ADAMTSL1: variants seen among roughly 807,000 people sequenced by gnomAD.
The protein encoded by ADAMTSL1 is ADAMTS-like protein 1.
In ADAMTSL1, 126 loss-of-function variants were observed where a neutral mutation model predicts 201.8. The observed-to-expected ratio is 0.62, with a 90% confidence interval of 0.54 to 0.72. The LOEUF is 0.72. ADAMTSL1 is among the 30% of genes least tolerant of loss of function. The probability of loss-of-function intolerance (pLI) is 0.00; values close to 1 mark genes in which losing one functional copy is unlikely to be tolerated. For missense variants in ADAMTSL1, 2,679 were observed against 2,277.8 expected (o/e 1.18, Z -3.59); for synonymous variants, 1,121 against 903.4 (o/e 1.24, Z -4.32).
chr9:18,872,303 G>A (rs568147328), intron 23 of ADAMTSL1, among the ~76,000 whole-genome samples: 2 of 152,234 alleles, frequency 1.3e-5, no homozygotes, highest in African/African-American at 4.8e-5. Context: ...AGGGAACAAG[G>A]GAAGAGGTTG....
At chr9:18,637,614 A>C (rs1827182413) in intron 6 of ADAMTSL1, among the ~76,000 whole-genome samples, 1 of 152,168 alleles carries the variant, frequency 6.6e-6, no homozygotes, top group Non-Finnish European at 1.5e-5. Context: ...TTTTCTCCCA[A>C]CAAACATACT....
intron 14 of ADAMTSL1, among the ~76,000 whole-genome samples, chr9:18,707,437 G>A (rs988668592): frequency 2.6e-5 from 4 of 152,160 alleles, no homozygotes; most frequent in Non-Finnish European, 4.4e-5. Context: ...AGAACAAGTC[G>A]GAGTCCCTCC....
At chr9:18,510,878 C>G (rs1307680050) in intron 2 of ADAMTSL1, among the ~76,000 whole-genome samples, 1 of 151,974 alleles carries the variant, frequency 6.6e-6, no homozygotes, top group Non-Finnish European at 1.5e-5. Flanking sequence ...TCTTCACCCC[C>G]CTACTAAATA....
chr9:17,929,756 C>A (rs1368315077), intron 1 of ADAMTSL1, among the ~76,000 whole-genome samples: 1 of 152,202 alleles, frequency 6.6e-6, no homozygotes, highest in African/African-American at 2.4e-5. Context: ...AAAGTCCTGA[C>A]CCTGGACTTC....
intron 2 of ADAMTSL1, among the ~76,000 whole-genome samples, chr9:18,217,628 T>A (rs956025390): frequency 2.0e-5 from 3 of 152,174 alleles, no homozygotes; most frequent in Admixed American, 6.5e-5. Flanking sequence ...TATGTCTAAA[T>A]GTAGTTTTGG....
chr9:18,718,607 A>C, intron 14 of ADAMTSL1: 3 of 376,292 alleles, frequency 8.0e-6, no homozygotes, highest in South Asian at 2.0e-5. Flanking sequence ...CCGGGTTGCT[A>C]CTCTCGGCAC....
At chr9:18,007,368 C>T (rs1337287547) in intron 1 of ADAMTSL1, among the ~76,000 whole-genome samples, 1 of 151,994 alleles carries the variant, frequency 6.6e-6, no homozygotes, top group African/African-American at 2.4e-5. Flanking sequence ...TTGAACAGTT[C>T]CATGTTTACA....
chr9:18,538,131 G>A (rs1819906637), intron 3 of ADAMTSL1, among the ~76,000 whole-genome samples: 1 of 152,138 alleles, frequency 6.6e-6, no homozygotes, highest in Admixed American at 6.5e-5. Flanking sequence ...AAAGCAGGGG[G>A]AAGAAGCAGA....
chr9:18,606,882 G>T (rs1355988452), intron 4 of ADAMTSL1, among the ~76,000 whole-genome samples: 3 of 152,046 alleles, frequency 2.0e-5, no homozygotes, highest in Non-Finnish European at 2.9e-5. Flanking sequence ...AATAATTGTG[G>T]CTCACAGTAT....
In ADAMTSL1 at chr9:18,892,483, A is replaced by G. The variant is rs761766131; in HGVS notation, c.4738A>G (p.Ile1580Val). 6.2e-7 allele frequency: 1 copy of G among 1,611,652 alleles called. No homozygotes were observed. Among genetic ancestry groups the G allele is most frequent in the Non-Finnish European group, 8.5e-7 (1 of 1,179,092 alleles). The change falls in exon 26 of 29, where the codon ATC becomes GTC. Residue 1580 changes from isoleucine (I) to valine (V), a missense_variant. Transcript: ENST00000380548. ...VTCQKLKASG[I>V]STPVSNDMCT... ...CTGTCAAAAGCTGAAAGCCTCTGGG[A>G]TCTCCACCCCTGTGTCCAATGACAT...
At position 18,350,651 on chromosome 9, in the gene ADAMTSL1, G is replaced by A. The variant is rs73430949; in HGVS notation, c.208-154178G>A. 5.2e-3 allele frequency among the ~76,000 whole-genome samples: 797 copies of A among 152,226 alleles called. 10 individuals carry two copies. Among genetic ancestry groups the A allele is most frequent in the African/African-American group, 0.018 (750 of 41,522 alleles). ...CAAGTTCTGGAGAGTTTCTTTTGGCGTTAATTATTTCACACTGGAAATCAT... is the reference window on the plus strand; with the variant it reads ...CAAGTTCTGGAGAGTTTCTTTTGGCATTAATTATTTCACACTGGAAATCAT... On this transcript the variant is annotated intron_variant, in intron 2 of 29. Transcript: ENST00000680146.
intron 1 of ADAMTSL1, among the ~76,000 whole-genome samples, chr9:18,065,321 C>A (rs1182869855): frequency 6.6e-6 from 1 of 152,040 alleles, no homozygotes; most frequent in Non-Finnish European, 1.5e-5. Flanking sequence ...AAGGAGACTG[C>A]ATGTCTTTAA....
At chr9:17,936,737 T>G (rs568700712) in intron 1 of ADAMTSL1, among the ~76,000 whole-genome samples, 3 of 152,162 alleles carry the variant, frequency 2.0e-5, no homozygotes, top group African/African-American at 7.2e-5. Flanking sequence ...GCCAAATATC[T>G]CCCCAACCTC....
At chr9:18,827,310 C>T (rs912602313) in intron 22 of ADAMTSL1, among the ~76,000 whole-genome samples, 5 of 152,030 alleles carry the variant, frequency 3.3e-5, no homozygotes, top group African/African-American at 1.2e-4. Flanking sequence ...ATTCATGCCA[C>T]ACATACATAC....
At chr9:18,838,357 T>C (rs1825454052) in intron 23 of ADAMTSL1, among the ~76,000 whole-genome samples, 1 of 102,354 alleles carries the variant, frequency 9.8e-6, no homozygotes, top group Admixed American at 1.0e-4. Flanking sequence ...AGCCAAACCA[T>C]ATTACACACA....
intron 7 of ADAMTSL1, among the ~76,000 whole-genome samples, chr9:18,656,505 T>C (rs1828675869): frequency 6.6e-6 from 1 of 151,714 alleles, no homozygotes; most frequent in African/African-American, 2.4e-5. Context: ...GGCAGGCGTC[T>C]GTAGTCCCAG....
At chr9:17,986,152 A>T (rs1320187158) in intron 1 of ADAMTSL1, among the ~76,000 whole-genome samples, 1 of 152,100 alleles carries the variant, frequency 6.6e-6, no homozygotes, top group African/African-American at 2.4e-5. Flanking sequence ...CTCTGAGTTC[A>T]TAAGTACAGA....
chr9:18,847,472 G>T (rs1027116918), intron 23 of ADAMTSL1, among the ~76,000 whole-genome samples: 5 of 152,160 alleles, frequency 3.3e-5, no homozygotes. Flanking sequence ...AGAAGCAAAT[G>T]GCATCATATG....
intron 3 of ADAMTSL1, among the ~76,000 whole-genome samples, chr9:18,534,854 G>A (rs1819659776): frequency 6.6e-6 from 1 of 152,202 alleles, no homozygotes; most frequent in African/African-American, 2.4e-5. Flanking sequence ...GGAGTGGCTG[G>A]GACACAGGGC....
Sources: gnomAD v4.1 joint callset for allele counts (sites outside exome capture counted in the v4.1 genomes callset) on GRCh38, gnomAD v4.1.1 for gene constraint, MANE v1.5 for transcripts, NCBI Gene and HGNC (gene_info 2026-07-23, HGNC 2026-07-21) for gene names.